The following CALB2 variants were observed in gnomAD, a reference collection of about 807,000 sequenced individuals.
The protein encoded by CALB2 is calretinin.
Under a neutral mutation model 45.9 loss-of-function variants are expected in CALB2, and 34 were observed. The observed-to-expected ratio is 0.74, with a 90% CI of 0.56 to 0.99. The LOEUF is 0.99. Among genes scored for constraint, CALB2 ranks in the 50% least tolerant of loss-of-function variants. CALB2 has a pLI of 0.00. For synonymous variants in CALB2, 142 were observed against 129.6 expected, an observed-to-expected ratio of 1.10 and a Z score of -0.65; for missense variants, 344 against 339.3, an observed-to-expected ratio of 1.01 and a Z score of -0.11.
At chr16:71,359,705 T>G (rs922056188) in intron 1 of CALB2, among the ~76,000 whole-genome samples, 1 of 152,190 alleles carries the variant, frequency 6.6e-6, no homozygotes, top group African/African-American at 2.4e-5. Context: ...TCCAAGTGTC[T>G]GTGGTGGTCT....
Position 71,382,707 on chromosome 16 carries a change from CTGT to C in CALB2, c.343-6_343-4del, listed in dbSNP as rs2042514060. 2 of 1,610,128 alleles carry C rather than the reference CTGT, an allele frequency of 1.2e-6. No homozygotes were observed. The highest frequency in any genetic ancestry group is 1.3e-5 in the African/African-American group (1 of 74,752). On this transcript the variant is annotated splice_polypyrimidine_tract_variant and intron_variant, in intron 4 of 10. Coordinates refer to ENST00000302628, the MANE Select transcript of CALB2 (RefSeq NM_001740.5). The stretch of plus-strand genomic sequence containing the variant: ...CGTCTTTGCAAAGAGGTTGACATTC[CTGT>C]TGTTGCAGGCTTGGCGGAAGTACGA...
At chr16:71,363,662 T>C (rs974400905) in intron 1 of CALB2, among the ~76,000 whole-genome samples, 1 of 152,214 alleles carries the variant, frequency 6.6e-6, no homozygotes, top group Admixed American at 6.5e-5. Context: ...AACGGGAACC[T>C]GGGCAACTGG....
chr16:71,367,055 G>A lies in CALB2; in HGVS notation c.95-5098G>A, dbSNP rs73571834. ...TCTCCCTGAGGTCTCTTTTCACTGA[G>A]GGGTGAAGCCTCCTCTAGGCATGGC... On this transcript the variant is annotated intron_variant, in intron 1 of 10. Coordinates refer to ENST00000302628, the MANE Select transcript of CALB2 (RefSeq NM_001740.5). Among the ~76,000 whole-genome samples, 525 of 152,208 alleles carry A rather than the reference G, an allele frequency of 3.4e-3. 4 individuals are homozygous for A. The highest frequency in any genetic ancestry group is 0.011 in the African/African-American group (472 of 41,520).
chr16:71,385,696 G>C (rs745925534), intron 10 of CALB2, 48 bp downstream of exon 10: 1 of 1,510,476 alleles, frequency 6.6e-7, no homozygotes, highest in Non-Finnish European at 9.2e-7. Context: ...GGGCACAGGA[G>C]AGGCTTCTGC....
At chr16:71,365,747 T>C (rs749976916) in intron 1 of CALB2, among the ~76,000 whole-genome samples, 32 of 152,046 alleles carry the variant, frequency 2.1e-4, no homozygotes, top group Non-Finnish European at 3.8e-4. Flanking sequence ...ATCTCCACTT[T>C]AATAAGTGGA....
chr16:71,382,835 G>T, intron 5 of CALB2, 60 bp downstream of exon 5: 1 of 1,460,928 alleles, frequency 6.8e-7, no homozygotes, highest in South Asian at 1.3e-5. Flanking sequence ...AGGTGCCTGA[G>T]GAGGGAGGAG....
At chr16:71,384,489 C>A (rs1027549449) in intron 8 of CALB2, 111 bp downstream of exon 8, 22 of 868,190 alleles carry the variant, frequency 2.5e-5, no homozygotes, top group Admixed American at 7.0e-5. Context: ...CCCACACACA[C>A]CACACACACA....
intron 6 of CALB2, 23 bp downstream of exon 6, chr16:71,383,467 C>G: frequency 6.2e-7 from 1 of 1,610,196 alleles, no homozygotes; most frequent in Non-Finnish European, 8.5e-7. Flanking sequence ...AAGTGTCCCT[C>G]TCCCCCAGGG....
intron 1 of CALB2, among the ~76,000 whole-genome samples, chr16:71,364,262 A>C (rs1212590091): frequency 6.7e-6 from 1 of 148,568 alleles, no homozygotes; most frequent in Non-Finnish European, 1.5e-5. Context: ...CACAAACAAG[A>C]TGCCAGCCCT....
chr16:71,364,610 AT>A (rs1194352144), intron 1 of CALB2, among the ~76,000 whole-genome samples: 2 of 152,024 alleles, frequency 1.3e-5, no homozygotes, highest in African/African-American at 4.8e-5. Flanking sequence ...AATCTGCCCT[AT>A]CCTTCTGGCC....
chr16:71,380,920 A>C (rs1343792565), intron 4 of CALB2, among the ~76,000 whole-genome samples: 1 of 152,184 alleles, frequency 6.6e-6, no homozygotes, highest in Non-Finnish European at 1.5e-5. Flanking sequence ...TTTTCCTTGA[A>C]TGAGAAGAGA....
intron 10 of CALB2, chr16:71,389,537 T>C (rs1170612231): frequency 1.4e-6 from 1 of 719,362 alleles, no homozygotes; most frequent in Non-Finnish European, 2.6e-6. Flanking sequence ...GTTGACTACC[T>C]TCCCCAAAGC....
At chr16:71,378,709 C>G (rs2042446326) in intron 4 of CALB2, among the ~76,000 whole-genome samples, 1 of 152,312 alleles carries the variant, frequency 6.6e-6, no homozygotes, top group Middle Eastern at 3.4e-3. Flanking sequence ...GTACATGCAT[C>G]TCTCATGTGG....
chr16:71,377,885 G>C (rs1471170582), intron 4 of CALB2, 138 bp downstream of exon 4: 4 of 612,406 alleles, frequency 6.5e-6, no homozygotes, highest in Non-Finnish European at 1.1e-5. Flanking sequence ...TCAAAGTGTG[G>C]TCCGTGGACC....
At chr16:71,369,964 C>A (rs1180954960) in intron 1 of CALB2, among the ~76,000 whole-genome samples, 2 of 152,182 alleles carry the variant, frequency 1.3e-5, no homozygotes, top group African/African-American at 4.8e-5. Context: ...CACTCCCCTA[C>A]TTTAGCCGGC....
Position 71,389,859 on chromosome 16 carries a change from C to T in CALB2, c.810C>T (p.Pro270=), listed in dbSNP as rs2042617040. 1.2e-6 allele frequency: 2 copies of T among 1,611,256 alleles called. No individual in the cohort carries two copies. Among genetic ancestry groups the T allele is most frequent in the Admixed American group, 1.7e-5 (1 of 60,022 alleles). Residue 270 remains proline (P), a synonymous_variant, in exon 11 of 11, where the codon CCC becomes CCT. Coordinates refer to ENST00000302628, the MANE Select transcript of CALB2 (RefSeq NM_001740.5). ...DLEIVLCSEP[P]M Reference sequence around the variant, plus strand: ...AGATTGTGCTCTGCAGCGAGCCCCCCATGTAAAGTGGGGACGGGGGCTGCT... The same window carrying T: ...AGATTGTGCTCTGCAGCGAGCCCCCTATGTAAAGTGGGGACGGGGGCTGCT...
chr16:71,382,573 T>C lies in CALB2; in HGVS notation c.343-146T>C, dbSNP rs999622918. On this transcript the variant is annotated intron_variant, in intron 4 of 10. Coordinates refer to ENST00000302628, the MANE Select transcript of CALB2 (RefSeq NM_001740.5). ...TTTCCTTCTCTGTGACCTTGAAGGG[T>C]CTGGGCTACATCATCTCCATGTCTC... is the stretch of plus-strand genomic sequence containing the variant. 1.9e-5 allele frequency: 14 copies of C among 726,026 alleles called. No individual in the cohort carries two copies. In the African/African-American group the frequency reaches 2.5e-4, roughly 13 times the overall value. The allele number at this position is 726,026 out of a possible 1,614,324, so 45.0% of individuals were successfully genotyped here. A position where few individuals can be genotyped will look rare whatever the true frequency, so the allele number is the denominator to read the frequency against.
Position 71,366,024 on chromosome 16 carries a change from C to CTTTTTTTTTTTTT in CALB2, c.95-6121_95-6109dup, listed in dbSNP as rs1171021532. ...TCTTTGTTTTCTTCCCTCTCTCTCT[C>CTTTTTTTTTTTTT]TTTTTTTTTTTTTTTTTTTTGAGAT... On this transcript the variant is annotated intron_variant, in intron 1 of 10. Transcript: ENST00000302628. Among the ~76,000 whole-genome samples, 84 of 45,050 alleles carry CTTTTTTTTTTTTT rather than the reference C, an allele frequency of 1.9e-3. 1 individual carries two copies. The highest frequency in any genetic ancestry group is 3.4e-3 in the African/African-American group (35 of 10,414). The allele number at this position is 45,050 out of a possible 152,430, so 29.6% of individuals were successfully genotyped here.
At chr16:71,379,402 T>G (rs572913742) in intron 4 of CALB2, among the ~76,000 whole-genome samples, 2 of 152,224 alleles carry the variant, frequency 1.3e-5, no homozygotes, top group Non-Finnish European at 1.5e-5. Context: ...TTGAGTAATA[T>G]TCATCTGATA....
Sources: allele counts gnomAD v4.1 joint callset (sites outside exome capture counted in the v4.1 genomes callset), GRCh38; gene constraint gnomAD v4.1.1; transcripts MANE v1.5; gene names NCBI Gene and HGNC (gene_info 2026-07-23, HGNC 2026-07-21).